Variants in TAFA1 observed in about 807,000 individuals in gnomAD.
TAFA1 encodes chemokine-like protein TAFA-1.
TAFA1 carries 4 observed loss-of-function variants against 18.5 expected under a neutral mutation model. The observed-to-expected ratio is 0.22, with a 90% CI of 0.11 to 0.49. The LOEUF (loss-of-function observed/expected upper bound fraction) is 0.49, where lower values mean the gene tolerates loss of function less well. TAFA1 is among the 20% of genes least tolerant of loss of function. TAFA1 has a pLI of 0.98. For missense variants in TAFA1, 147 were observed against 169.0 expected (o/e 0.87, Z 0.72); for synonymous variants, 56 against 55.2 (o/e 1.01, Z -0.06).
At chr3:68,262,480 A>G (rs929526613) in intron 2 of TAFA1, among the ~76,000 whole-genome samples, 4 of 150,678 alleles carry the variant, frequency 2.7e-5, no homozygotes, top group Non-Finnish European at 5.9e-5. Flanking sequence ...TCCTATGTTT[A>G]TATCCATGTA....
chr3:68,431,232 G>A (rs904168899), intron 3 of TAFA1, among the ~76,000 whole-genome samples: 2 of 151,912 alleles, frequency 1.3e-5, no homozygotes, highest in Non-Finnish European at 2.9e-5. Context: ...ATGGAGAAAT[G>A]GCTGTTTCTC....
chr3:68,057,233 T>C (rs76277536), intron 2 of TAFA1, among the ~76,000 whole-genome samples: 1 of 152,346 alleles, frequency 6.6e-6, no homozygotes, highest in Non-Finnish European at 1.5e-5. Flanking sequence ...TGCTGTCTAA[T>C]GGTCCATAGT....
intron 2 of TAFA1, among the ~76,000 whole-genome samples, chr3:68,372,576 G>A (rs142498939): frequency 4.6e-5 from 7 of 152,268 alleles, no homozygotes; most frequent in Non-Finnish European, 7.4e-5. Flanking sequence ...ATGACAAATA[G>A]CCTAGCATGC....
chr3:68,058,123 G>A (rs2064558271), intron 2 of TAFA1, among the ~76,000 whole-genome samples: 1 of 152,146 alleles, frequency 6.6e-6, no homozygotes, highest in Non-Finnish European at 1.5e-5. Flanking sequence ...CTCTACTTCT[G>A]CTGGAACTAT....
chr3:68,013,832 A>C (rs556790953), intron 2 of TAFA1, among the ~76,000 whole-genome samples: 28 of 152,336 alleles, frequency 1.8e-4, no homozygotes, highest in Non-Finnish European at 3.5e-4. Flanking sequence ...AAAGAAAAGA[A>C]AAATGATATT....
intron 2 of TAFA1, among the ~76,000 whole-genome samples, chr3:68,087,339 T>A (rs1322186551): frequency 1.3e-5 from 2 of 152,110 alleles, no homozygotes; most frequent in African/African-American, 2.4e-5. Context: ...TTAGAGGACA[T>A]GAGGTTGCCA....
chr3:68,505,016 G>C (rs1177140158), intron 3 of TAFA1, among the ~76,000 whole-genome samples: 2 of 152,112 alleles, frequency 1.3e-5, no homozygotes, highest in Non-Finnish European at 2.9e-5. Flanking sequence ...GGGGTGAGAA[G>C]TATGGCAGCC....
chr3:68,394,424 C>G (rs2070333114), intron 2 of TAFA1, among the ~76,000 whole-genome samples: 1 of 152,086 alleles, frequency 6.6e-6, no homozygotes, highest in Non-Finnish European at 1.5e-5. Context: ...CTACCATTGA[C>G]TTTCTTCACA....
chr3:68,224,896 CTTTTTTTTTTTTTTTTT>C (rs71112624), intron 2 of TAFA1, among the ~76,000 whole-genome samples: 2 of 46,338 alleles, frequency 4.3e-5, no homozygotes, highest in Non-Finnish European at 7.2e-5. Context: ...GCTTGTGGCA[CTTTTTTTTTTTTTTTTT>C]TTTTTTTTTT....
intron 2 of TAFA1, among the ~76,000 whole-genome samples, chr3:68,224,241 A>G (rs1355556100): frequency 6.6e-6 from 1 of 152,102 alleles, no homozygotes; most frequent in East Asian, 1.9e-4. Flanking sequence ...TAAGACTAAG[A>G]AGAGTACTGA....
chr3:68,330,712 A>G (rs2068852898), intron 2 of TAFA1, among the ~76,000 whole-genome samples: 1 of 152,166 alleles, frequency 6.6e-6, no homozygotes, highest in Admixed American at 6.5e-5. Context: ...GATATAATAA[A>G]CTACTAAGCT....
At chr3:68,397,007 G>A (rs767035621) in intron 2 of TAFA1, among the ~76,000 whole-genome samples, 11 of 152,078 alleles carry the variant, frequency 7.2e-5, no homozygotes, top group Non-Finnish European at 1.3e-4. Flanking sequence ...GCCATACTTA[G>A]TTGTTTGCCA....
At chr3:68,288,286 C>T (rs184006796) in intron 2 of TAFA1, among the ~76,000 whole-genome samples, 289 of 152,218 alleles carry the variant, frequency 1.9e-3, no homozygotes, top group South Asian at 0.014. Flanking sequence ...TTGCCATAGG[C>T]GCAAAAAGAA....
intron 2 of TAFA1, among the ~76,000 whole-genome samples, chr3:68,121,723 T>C (rs971480954): frequency 8.5e-5 from 13 of 152,200 alleles, no homozygotes; most frequent in African/African-American, 3.1e-4. Context: ...ACATCATACC[T>C]TTGTCATCTA....
At chr3:68,414,066 A>G (rs1367077053) in intron 2 of TAFA1, among the ~76,000 whole-genome samples, 1 of 152,178 alleles carries the variant, frequency 6.6e-6, no homozygotes, top group East Asian at 1.9e-4. Flanking sequence ...GCACTCTGGG[A>G]GGCCGAGACG....
intron 2 of TAFA1, among the ~76,000 whole-genome samples, chr3:68,256,572 T>C (rs1049751435): frequency 7.9e-5 from 12 of 152,150 alleles, no homozygotes; most frequent in Non-Finnish European, 1.5e-4. Flanking sequence ...TTGAAAGAAT[T>C]CCGTCTGTAA....
intron 2 of TAFA1, among the ~76,000 whole-genome samples, chr3:68,144,831 T>C (rs2065716884): frequency 6.6e-6 from 1 of 152,220 alleles, no homozygotes; most frequent in African/African-American, 2.4e-5. Context: ...TTTAACTCCA[T>C]GCTCTTTGAC....
intron 2 of TAFA1, among the ~76,000 whole-genome samples, chr3:68,381,060 G>T (rs2069939459): frequency 1.2e-5 from 1 of 85,310 alleles, no homozygotes; most frequent in Non-Finnish European, 2.4e-5. Context: ...TGTCAGGTTT[G>T]TCAAAGACCA....
intron 2 of TAFA1, among the ~76,000 whole-genome samples, chr3:68,144,566 G>A (rs779736484): frequency 1.3e-5 from 2 of 152,178 alleles, no homozygotes; most frequent in Non-Finnish European, 2.9e-5. Flanking sequence ...AATATGATTG[G>A]ACATTGTAAT....
Sources: allele counts gnomAD v4.1 joint callset (sites outside exome capture counted in the v4.1 genomes callset), GRCh38; gene constraint gnomAD v4.1.1; transcripts MANE v1.5; gene names NCBI Gene and HGNC (gene_info 2026-07-23, HGNC 2026-07-21).